The following GPHN variants were observed in gnomAD, a reference collection of about 807,000 sequenced individuals.
GPHN encodes gephyrin.
In GPHN, 17 loss-of-function variants were observed where a neutral mutation model predicts 95.5. That is an observed-to-expected ratio of 0.18 (90% CI 0.12 to 0.27). The LOEUF is 0.27. Ranked by LOEUF, GPHN falls within the 10% of genes least tolerant of loss-of-function variation. The pLI, the probability that GPHN is intolerant of heterozygous loss-of-function variation, is 1.00. For synonymous variants in GPHN, 320 were observed against 322.5 expected (o/e 0.99, Z 0.08); for missense variants, 660 against 978.1 (o/e 0.67, Z 4.34).
chr14:66,973,618 G>A (rs1014383081), intron 9 of GPHN, among the ~76,000 whole-genome samples: 5 of 152,244 alleles, frequency 3.3e-5, no homozygotes, highest in Admixed American at 1.3e-4. Flanking sequence ...ATTTAGCTGG[G>A]CGTGGTGGTG....
At chr14:66,985,675 A>G (rs2070979442) in intron 9 of GPHN, 1 of 1,523,994 alleles carries the variant, frequency 6.6e-7, no homozygotes, top group Non-Finnish European at 8.8e-7. Context: ...ATCTTCCCTC[A>G]TTGTAGCAAA....
intron 3 of GPHN, among the ~76,000 whole-genome samples, chr14:66,817,630 A>C (rs560288987): frequency 6.6e-6 from 1 of 152,254 alleles, no homozygotes; most frequent in African/African-American, 2.4e-5. Context: ...ACATGAGTCT[A>C]AGGTCACTCA....
chr14:67,327,208 T>G, the GPHN span, among the ~76,000 whole-genome samples: 3 of 152,300 alleles, frequency 2.0e-5, no homozygotes, highest in East Asian at 5.8e-4. Context: ...CTAGTATGAC[T>G]GAAGCTGCTC....
At chr14:67,721,116 C>T in the GPHN span, among the ~76,000 whole-genome samples, 1 of 152,170 alleles carries the variant, frequency 6.6e-6, no homozygotes, top group African/African-American at 2.4e-5. Flanking sequence ...GACATGAACA[C>T]CTGCCTGCCA....
the GPHN span, among the ~76,000 whole-genome samples, chr14:67,626,110 C>T: frequency 6.6e-6 from 1 of 151,964 alleles, no homozygotes; most frequent in Non-Finnish European, 1.5e-5. Flanking sequence ...AAAAATTAGC[C>T]GGATGTGGTG....
At chr14:66,937,230 C>T (rs2153570342) in intron 8 of GPHN, among the ~76,000 whole-genome samples, 1 of 152,112 alleles carries the variant, frequency 6.6e-6, no homozygotes, top group African/African-American at 2.4e-5. Flanking sequence ...TCTCAAACTC[C>T]TGGATTCAAG....
the GPHN span, among the ~76,000 whole-genome samples, chr14:67,550,184 T>A: frequency 6.8e-6 from 1 of 146,670 alleles, no homozygotes; most frequent in Non-Finnish European, 1.5e-5. Context: ...TGAAAACCAT[T>A]GTCTTTATAT....
intron 1 of GPHN, among the ~76,000 whole-genome samples, chr14:66,661,787 G>A (rs1290524688): frequency 3.3e-5 from 5 of 152,204 alleles, no homozygotes; most frequent in African/African-American, 9.6e-5. Context: ...GGAGGTGGGC[G>A]GGCGCCATCG....
chr14:66,550,959 C>T (rs2140172914), intron 1 of GPHN: 1 of 152,946 alleles, frequency 6.5e-6, no homozygotes, highest in Non-Finnish European at 1.5e-5. Context: ...TGGGTTCACG[C>T]CATTCTCTTG....
rs528534888 is a variant in GPHN, at chr14:66,924,944, A to G, written c.828+652A>G. Among the ~76,000 whole-genome samples, 21 of 150,810 alleles carry G rather than the reference A, an allele frequency of 1.4e-4. No homozygotes were observed. The South Asian group carries it at 4.0e-3, about 29-fold the overall frequency. On this transcript the variant is annotated intron_variant, in intron 8 of 22. Coordinates refer to ENST00000478722, the MANE Select transcript of GPHN (RefSeq NM_020806.5). ...ACAGTGATAATTTAGACATTGGATGAAAAAAAAACGATCTAAGTCCCTAAT... is the reference window on the plus strand; with the variant it reads ...ACAGTGATAATTTAGACATTGGATGGAAAAAAAACGATCTAAGTCCCTAAT...
chr14:67,097,874 A>T (rs995118094), intron 12 of GPHN, among the ~76,000 whole-genome samples: 21 of 152,206 alleles, frequency 1.4e-4, no homozygotes, highest in Non-Finnish European at 2.5e-4. Context: ...ACACACACAT[A>T]TATAACATAT....
At chr14:67,569,166 C>T in the GPHN span, 36 of 1,612,786 alleles carry the variant, frequency 2.2e-5, no homozygotes, top group Middle Eastern at 3.3e-4. Flanking sequence ...GTGGCCACAT[C>T]GGGCATGCGG....
chr14:66,563,981 G>A (rs896914350), intron 1 of GPHN, among the ~76,000 whole-genome samples: 4 of 152,206 alleles, frequency 2.6e-5, no homozygotes, highest in African/African-American at 7.2e-5. Context: ...CACAGTAAGC[G>A]TTTGATGAAT....
intron 4 of GPHN, among the ~76,000 whole-genome samples, chr14:66,828,730 G>A (rs1367778738): frequency 6.6e-6 from 1 of 152,020 alleles, no homozygotes; most frequent in African/African-American, 2.4e-5. Context: ...TTTTGTCAAT[G>A]GGTATGAGCT....
intron 8 of GPHN, among the ~76,000 whole-genome samples, chr14:66,951,700 A>C (rs2068121512): frequency 6.6e-6 from 1 of 152,296 alleles, no homozygotes; most frequent in East Asian, 1.9e-4. Flanking sequence ...GTAACTTCTT[A>C]ATGGTGCCAG....
chr14:67,575,774 C>A, the GPHN span: 2 of 1,410,282 alleles, frequency 1.4e-6, no homozygotes, highest in African/African-American at 2.8e-5. Flanking sequence ...AGAGGAGACT[C>A]CCTCATCCCC....
At chr14:67,442,042 A>C in the GPHN span, 1 of 153,392 alleles carries the variant, frequency 6.5e-6, no homozygotes, top group African/African-American at 2.4e-5. Flanking sequence ...ATTTCTTTTA[A>C]AATTAGAAGA....
At chr14:66,658,200 G>A (rs947234383) in intron 1 of GPHN, among the ~76,000 whole-genome samples, 2 of 152,150 alleles carry the variant, frequency 1.3e-5, no homozygotes, top group African/African-American at 4.8e-5. Flanking sequence ...AGGAGAGCCG[G>A]AAGATGTGAC....
intron 4 of GPHN, among the ~76,000 whole-genome samples, chr14:66,831,660 T>A (rs1171372053): frequency 6.6e-6 from 1 of 152,204 alleles, no homozygotes; most frequent in South Asian, 2.1e-4. Context: ...AGTTGACCTG[T>A]TCAAATCTGT....
Sources: allele counts gnomAD v4.1 joint callset (sites outside exome capture counted in the v4.1 genomes callset), GRCh38; gene constraint gnomAD v4.1.1; transcripts MANE v1.5; gene names NCBI Gene and HGNC (gene_info 2026-07-23, HGNC 2026-07-21).